LGR6: variants seen among roughly 807,000 people sequenced by gnomAD.
LGR6 encodes the protein leucine-rich repeat-containing G protein-coupled receptor 6.
A neutral mutation model predicts 69.4 loss-of-function variants in LGR6; 45 were observed. The observed-to-expected ratio is 0.65, with a 90% CI of 0.51 to 0.83. LGR6 has a LOEUF of 0.83. LGR6 is among the 40% of genes least tolerant of loss of function. The probability of loss-of-function intolerance (pLI) is 0.00; values close to 1 mark genes in which losing one functional copy is unlikely to be tolerated. For synonymous variants in LGR6, 538 were observed against 555.0 expected (o/e 0.97, Z 0.43); for missense variants, 1,108 against 1,246.7 (o/e 0.89, Z 1.68).
intron 6 of LGR6, among the ~76,000 whole-genome samples, chr1:202,291,279 C>T (rs919687963): frequency 6.6e-6 from 1 of 152,196 alleles, no homozygotes; most frequent in Non-Finnish European, 1.5e-5. Flanking sequence ...TGAACTCTTC[C>T]TGGGCTTCTG....
At chr1:202,210,935 A>G (rs1316725238) in intron 1 of LGR6, 1 of 152,278 alleles carries the variant, frequency 6.6e-6, no homozygotes, top group Non-Finnish European at 1.5e-5. Flanking sequence ...AACAGAGATT[A>G]CAATTGGGTC....
intron 4 of LGR6, among the ~76,000 whole-genome samples, chr1:202,249,544 A>G (rs1663053717): frequency 6.6e-6 from 1 of 152,238 alleles, no homozygotes; most frequent in Non-Finnish European, 1.5e-5. Context: ...TGGAATCTCC[A>G]CTTGCATGAC....
chr1:202,196,438 C>G (rs887620345), intron 1 of LGR6, among the ~76,000 whole-genome samples: 4 of 152,180 alleles, frequency 2.6e-5, no homozygotes, highest in African/African-American at 9.7e-5. Context: ...CAGCTTGGCC[C>G]TGCCCCATGT....
rs562729377 is a variant in LGR6, at chr1:202,254,569, A to G, written c.428+18576A>G. The stretch of plus-strand genomic sequence containing the variant: ...GCAGATCTGTGTTGTACACTTCCCC[A>G]TGCCAGGTGCTGATGTGCCTGCCTT... On this transcript the variant is annotated intron_variant, in intron 4 of 17. Coordinates refer to ENST00000367278, the MANE Select transcript of LGR6 (RefSeq NM_001017403.2). Among the ~76,000 whole-genome samples the G allele has an allele frequency of 9.8e-5, 15 of 152,316 alleles. No homozygotes were observed. In the East Asian group the frequency reaches 2.9e-3, roughly 29 times the overall value.
intron 3 of LGR6, 26 bp downstream of exon 3, chr1:202,228,033 C>A (rs3795598): frequency 6.5e-7 from 1 of 1,536,348 alleles, no homozygotes; most frequent in Non-Finnish European, 9.0e-7. Flanking sequence ...CCTCATTTTA[C>A]ATAGAGCTGC....
rs183037776 is a variant in LGR6, at chr1:202,249,850, C to T, written c.428+13857C>T. ...CAGCCTCCTTACAGGCCCCCAGCTTCTACTCTGGACTTACCCCAGTCTTTT... is the reference window on the plus strand; with the variant it reads ...CAGCCTCCTTACAGGCCCCCAGCTTTTACTCTGGACTTACCCCAGTCTTTT... On this transcript the variant is annotated intron_variant, in intron 4 of 17. Coordinates refer to ENST00000367278, the MANE Select transcript of LGR6 (RefSeq NM_001017403.2). Among the ~76,000 whole-genome samples, 84 of 152,310 alleles carry T rather than the reference C, an allele frequency of 5.5e-4. 3 individuals are homozygous for T. In the East Asian group the frequency reaches 0.013, roughly 23 times the overall value.
chr1:202,252,236 C>T (rs536928816), intron 4 of LGR6, among the ~76,000 whole-genome samples: 1 of 152,288 alleles, frequency 6.6e-6, no homozygotes, highest in East Asian at 1.9e-4. Flanking sequence ...ACTTGTCCTT[C>T]TACCTCCATG....
intron 6 of LGR6, among the ~76,000 whole-genome samples, chr1:202,284,777 T>C (rs1666275326): frequency 6.6e-6 from 1 of 152,106 alleles, no homozygotes; most frequent in Non-Finnish European, 1.5e-5. Context: ...ACCCTCATGC[T>C]CTAGATCTGG....
At position 202,248,599 on chromosome 1, in the gene LGR6, A is replaced by C. The variant is rs188977267; in HGVS notation, c.428+12606A>C. ...TTTGAGGGTCCTGGGAGGGGTCTGG[A>C]CTATGGAGAGGGAGGAGCGAGGCCC... On this transcript the variant is annotated intron_variant, in intron 4 of 17. Transcript: ENST00000367278. Among the ~76,000 whole-genome samples, 84 of 152,250 alleles carry C rather than the reference A, an allele frequency of 5.5e-4. 3 individuals are homozygous for C. The East Asian group carries it at 0.013, about 23-fold the overall frequency.
At chr1:202,285,880 GA>G in intron 6 of LGR6, among the ~76,000 whole-genome samples, 1 of 152,326 alleles carries the variant, frequency 6.6e-6, no homozygotes, top group East Asian at 1.9e-4. Context: ...TGTTAGCAGG[GA>G]TGGTGCCTTC....
chr1:202,286,032 C>T (rs1466820692), intron 6 of LGR6, among the ~76,000 whole-genome samples: 1 of 152,180 alleles, frequency 6.6e-6, no homozygotes, highest in Non-Finnish European at 1.5e-5. Context: ...TGTGTCTCTC[C>T]TCTGTGTGTC....
chr1:202,280,957 G>T (rs766833078), intron 6 of LGR6, 105 bp downstream of exon 6: 138 of 1,025,570 alleles, frequency 1.3e-4, no homozygotes, highest in Non-Finnish European at 1.7e-4. Context: ...GTCCTGGGAT[G>T]CTGGGGTCTG....
In LGR6 at chr1:202,319,135, G is replaced by A. The variant is rs753772065; in HGVS notation, c.2832G>A (p.Thr944=). The A allele has an allele frequency of 4.2e-5, 68 of 1,614,052 alleles. No individual in the cohort carries two copies. The highest frequency in any genetic ancestry group is 2.9e-5 in the Non-Finnish European group (34 of 1,180,002). The stretch of plus-strand genomic sequence containing the variant: ...TGCTGCTGAGGGCAGAGGGATCTAC[G>A]CCAGCAGGTGGAGGCTTGTCAGGGG... The part of the protein sequence containing the change: ...GELLLRAEGS[T]PAGGGLSGGG... The change falls in exon 18 of 18, where the codon ACG becomes ACA. Residue 944 remains threonine, a synonymous_variant. Coordinates refer to ENST00000367278, the MANE Select transcript of LGR6 (RefSeq NM_001017403.2).
chr1:202,195,399 C>T (rs1276666430), intron 1 of LGR6, among the ~76,000 whole-genome samples: 1 of 152,200 alleles, frequency 6.6e-6, no homozygotes. Flanking sequence ...CATGGGGCTC[C>T]TCTCCAAATG....
At chr1:202,316,259 G>T (rs186934085) in intron 17 of LGR6, among the ~76,000 whole-genome samples, 5 of 152,250 alleles carry the variant, frequency 3.3e-5, no homozygotes, top group African/African-American at 1.2e-4. Context: ...TGTGATGAGG[G>T]CCTCAGGCTG....
chr1:202,264,146 G>C (rs1664461029), intron 4 of LGR6, among the ~76,000 whole-genome samples: 4 of 152,092 alleles, frequency 2.6e-5, no homozygotes, highest in Admixed American at 2.6e-4. Flanking sequence ...TGGTCACAGA[G>C]AGCCTGGGAG....
At chr1:202,238,728 T>A (rs1212046666) in intron 4 of LGR6, among the ~76,000 whole-genome samples, 1 of 151,526 alleles carries the variant, frequency 6.6e-6, no homozygotes, top group African/African-American at 2.4e-5. Context: ...CAGCTCTATT[T>A]TTTTTTTTTT....
intron 6 of LGR6, among the ~76,000 whole-genome samples, chr1:202,296,871 A>T (rs1443543090): frequency 2.0e-5 from 3 of 152,226 alleles, no homozygotes; most frequent in Non-Finnish European, 4.4e-5. Flanking sequence ...CTAATAATTT[A>T]TCAGGATGCT....
chr1:202,275,877 C>T (rs1185531081), intron 4 of LGR6, among the ~76,000 whole-genome samples: 1 of 151,994 alleles, frequency 6.6e-6, no homozygotes, highest in East Asian at 1.9e-4. Context: ...TTTGGAAGCC[C>T]GGGAGTATGG....
Sources: gnomAD v4.1 joint callset for allele counts (sites outside exome capture counted in the v4.1 genomes callset) on GRCh38, gnomAD v4.1.1 for gene constraint, MANE v1.5 for transcripts, NCBI Gene and HGNC (gene_info 2026-07-23, HGNC 2026-07-21) for gene names.